The following DLGAP2 variants were observed in gnomAD, a reference collection of about 807,000 sequenced individuals.
The protein encoded by DLGAP2 is disks large-associated protein 2.
Under a neutral mutation model 100.3 loss-of-function variants are expected in DLGAP2, and 26 were observed. The observed-to-expected ratio is 0.26, with a 90% CI of 0.19 to 0.36. DLGAP2 has a LOEUF of 0.36. Among genes scored for constraint, DLGAP2 ranks in the 10% least tolerant of loss-of-function variants. The probability of loss-of-function intolerance (pLI) is 1.00; values close to 1 mark genes in which losing one functional copy is unlikely to be tolerated. For missense variants in DLGAP2, 1,858 were observed against 1,453.2 expected, an observed-to-expected ratio of 1.28 and a Z score of -4.53; for synonymous variants, 886 against 630.1, an observed-to-expected ratio of 1.41 and a Z score of -6.08.
intron 5 of DLGAP2, among the ~76,000 whole-genome samples, chr8:1,557,521 CAG>C (rs966128674): frequency 1.3e-5 from 2 of 152,208 alleles, no homozygotes; most frequent in African/African-American, 4.8e-5. Context: ...TGTGTGAACT[CAG>C]GGGTCTCCGC....
intron 4 of DLGAP2, among the ~76,000 whole-genome samples, chr8:1,544,250 G>A (rs1022486399): frequency 3.3e-5 from 5 of 152,148 alleles, no homozygotes; most frequent in Non-Finnish European, 7.4e-5. Context: ...TATTCTTTTA[G>A]ATGTTATTTT....
chr8:1,221,116 G>A (rs1022315433), intron 2 of DLGAP2, among the ~76,000 whole-genome samples: 2 of 152,224 alleles, frequency 1.3e-5, no homozygotes, highest in East Asian at 1.9e-4. Context: ...GTTAATATTG[G>A]TATGTGAAGA....
rs1052118578 is a variant in DLGAP2, at chr8:1,694,528, C to T, written c.2797-2619C>T. On this transcript the variant is annotated intron_variant, in intron 13 of 14. Coordinates refer to ENST00000637795, the MANE Select transcript of DLGAP2 (RefSeq NM_001346810.2). ...GACACAACCAGAAGGCACATAATAC[C>T]GGAAATAACTTAACCTCAAAGCGTG... 2.0e-5 allele frequency among the ~76,000 whole-genome samples: 3 copies of T among 152,164 alleles called. 1 individual carries two copies. The highest frequency in any genetic ancestry group is 4.4e-5 in the Non-Finnish European group (3 of 68,036).
chr8:769,418 C>CA (rs756081908), intron 1 of DLGAP2, among the ~76,000 whole-genome samples: 1 of 151,932 alleles, frequency 6.6e-6, no homozygotes, highest in Non-Finnish European at 1.5e-5. Context: ...AGACAGGAAG[C>CA]ATAGCCATTA....
chr8:777,930 T>C (rs2132618810), intron 1 of DLGAP2, among the ~76,000 whole-genome samples: 1 of 152,304 alleles, frequency 6.6e-6, no homozygotes, highest in East Asian at 1.9e-4. Flanking sequence ...TCCTGAGTAA[T>C]ATCCTGCAGA....
chr8:1,167,650 A>C (rs1797044090), intron 2 of DLGAP2, among the ~76,000 whole-genome samples: 1 of 152,158 alleles, frequency 6.6e-6, no homozygotes, highest in African/African-American at 2.4e-5. Context: ...TGTGAAAGTT[A>C]ATTTCTTTAG....
At chr8:1,548,494 C>G in intron 4 of DLGAP2, 132 bp from the exon 5 acceptor site, 2 of 244,446 alleles carry the variant, frequency 8.2e-6, no homozygotes, top group Non-Finnish European at 1.5e-5. Flanking sequence ...ACCCACAAAT[C>G]TGCCCTCTCG....
rs150071261 is a variant in DLGAP2 at position 1,069,430 on chromosome 8, C to A, written c.73+161464C>A. ...CCTCCGCACACTCCTGTCCTCTCAG[C>A]CCTTAAGGTCAACTGTAACATTTTT... is the stretch of plus-strand genomic sequence containing the variant. On this transcript the variant is annotated intron_variant, in intron 2 of 14. Coordinates refer to ENST00000637795, the MANE Select transcript of DLGAP2 (RefSeq NM_001346810.2). Among the ~76,000 whole-genome samples the A allele has an allele frequency of 2.6e-5, 4 of 152,266 alleles. No individual in the cohort carries two copies. The East Asian group carries it at 7.8e-4, about 30-fold the overall frequency.
intron 3 of DLGAP2, among the ~76,000 whole-genome samples, chr8:1,391,953 C>A (rs1418987715): frequency 1.3e-5 from 2 of 152,192 alleles, no homozygotes; most frequent in African/African-American, 4.8e-5. Flanking sequence ...ACAAAATAAC[C>A]CATTGTTGTG....
chr8:1,448,496 T>C (rs1429447920), intron 3 of DLGAP2, among the ~76,000 whole-genome samples: 2 of 152,186 alleles, frequency 1.3e-5, no homozygotes, highest in Non-Finnish European at 2.9e-5. Context: ...TGAGGAGAGC[T>C]TTACTTCCAA....
chr8:925,671 A>T (rs898346479), intron 2 of DLGAP2, among the ~76,000 whole-genome samples: 3 of 152,166 alleles, frequency 2.0e-5, no homozygotes, highest in Non-Finnish European at 4.4e-5. Flanking sequence ...TGTAGACCCC[A>T]TGCTTATATA....
At chr8:1,552,149 CCT>C (rs1321705469) in intron 5 of DLGAP2, among the ~76,000 whole-genome samples, 2 of 152,196 alleles carry the variant, frequency 1.3e-5, no homozygotes, top group East Asian at 1.9e-4. Context: ...CACTGGCCTC[CCT>C]CTCACGTCCA....
At chr8:1,528,549 C>T (rs1416920730) in intron 4 of DLGAP2, among the ~76,000 whole-genome samples, 1 of 152,248 alleles carries the variant, frequency 6.6e-6, no homozygotes, top group East Asian at 1.9e-4. Flanking sequence ...CACCCGGGGG[C>T]TGGCCTGCGA....
intron 2 of DLGAP2, among the ~76,000 whole-genome samples, chr8:1,022,016 A>G (rs1801637346): frequency 6.6e-6 from 1 of 152,204 alleles, no homozygotes; most frequent in Non-Finnish European, 1.5e-5. Flanking sequence ...GGACAAAGCC[A>G]CTGGCCTTGC....
At chr8:798,449 C>T (rs568832817) in intron 1 of DLGAP2, among the ~76,000 whole-genome samples, 1 of 144,510 alleles carries the variant, frequency 6.9e-6, no homozygotes, top group Admixed American at 6.9e-5. Context: ...CCTGCAGCCC[C>T]GTGCCCCGGC....
intron 2 of DLGAP2, among the ~76,000 whole-genome samples, chr8:979,906 C>A (rs182534126): frequency 3.3e-4 from 50 of 152,298 alleles, no homozygotes; most frequent in African/African-American, 1.2e-3. Context: ...CTGTGTTCCA[C>A]ATCACAGCTG....
intron 2 of DLGAP2, among the ~76,000 whole-genome samples, chr8:1,228,058 TCA>T (rs1798458540): frequency 6.6e-6 from 1 of 151,494 alleles, no homozygotes; most frequent in Non-Finnish European, 1.5e-5. Flanking sequence ...AAGGGGAACA[TCA>T]CACACTGGGG....
In DLGAP2 at chr8:1,596,955, A is replaced by T. The variant is rs1279908514; in HGVS notation, c.1443-29785A>T. Among the ~76,000 whole-genome samples, 5 of 152,124 alleles carry T rather than the reference A, an allele frequency of 3.3e-5. No individual in the cohort carries two copies. In the South Asian group the frequency reaches 8.3e-4, roughly 25 times the overall value. ...GTCTTTACCAGTGCCTGTGTCCTGA[A>T]TGGTATTGCCTAGGTTTTCTTCTAG... is the stretch of plus-strand genomic sequence containing the variant. On this transcript the variant is annotated intron_variant, in intron 6 of 14. Coordinates refer to ENST00000637795, the MANE Select transcript of DLGAP2 (RefSeq NM_001346810.2).
At chr8:909,849 C>A (rs1035049921) in intron 2 of DLGAP2, among the ~76,000 whole-genome samples, 1 of 152,100 alleles carries the variant, frequency 6.6e-6, no homozygotes, top group African/African-American at 2.4e-5. Flanking sequence ...TCCAGTATGT[C>A]CGAAGCTGCT....
Sources: allele counts gnomAD v4.1 joint callset (sites outside exome capture counted in the v4.1 genomes callset), GRCh38; gene constraint gnomAD v4.1.1; transcripts MANE v1.5; gene names NCBI Gene and HGNC (gene_info 2026-07-23, HGNC 2026-07-21).